CCR6: variants seen among roughly 807,000 people sequenced by gnomAD.
The protein encoded by CCR6 is C-C chemokine receptor type 6.
A neutral mutation model predicts 3.0 loss-of-function variants in CCR6; 2 were observed. The observed-to-expected ratio is 0.66, with a 90% confidence interval of 0.27 to 2.07. The LOEUF (loss-of-function observed/expected upper bound fraction) is 2.07, where lower values mean the gene tolerates loss of function less well. CCR6 is among the 30% of genes most tolerant of loss of function. The pLI, the probability that CCR6 is intolerant of heterozygous loss-of-function variation, is 0.14. For missense variants in CCR6, 322 were observed against 462.8 expected (o/e 0.70, Z 2.79); for synonymous variants, 193 against 184.3 (o/e 1.05, Z -0.38).
intron 1 of CCR6, among the ~76,000 whole-genome samples, chr6:167,132,741 A>G (rs1781790272): frequency 6.6e-6 from 1 of 152,164 alleles, no homozygotes; most frequent in Non-Finnish European, 1.5e-5. Flanking sequence ...GGGTTTCACC[A>G]TGTTGGCCAG....
chr6:167,116,646 C>G (rs1370212145), intron 1 of CCR6: 1 of 152,750 alleles, frequency 6.5e-6, no homozygotes, highest in Non-Finnish European at 1.5e-5. Context: ...CCGCTGCACC[C>G]CGCCCCTCAT....
chr6:167,124,966 A>G (rs965719748), intron 1 of CCR6, among the ~76,000 whole-genome samples: 2 of 152,100 alleles, frequency 1.3e-5, no homozygotes, highest in Non-Finnish European at 2.9e-5. Context: ...ACACACATAC[A>G]CATGTATACA....
intron 1 of CCR6, among the ~76,000 whole-genome samples, chr6:167,125,086 C>A (rs3093020): frequency 0.065 from 9,787 of 151,694 alleles, 899 homozygotes; most frequent in African/African-American, 0.2. Context: ...GCACACATGC[C>A]TAGACACATA....
chr6:167,135,971 T>C (rs1416464466), intron 1 of CCR6, 67 bp from the exon 2 acceptor site: 2 of 718,508 alleles, frequency 2.8e-6, no homozygotes, highest in Non-Finnish European at 4.8e-6. Flanking sequence ...TGCTGGTAAC[T>C]TAACTGTCTG....
At chr6:167,135,799 C>G (rs1264017956) in intron 1 of CCR6, among the ~76,000 whole-genome samples, 80 of 152,178 alleles carry the variant, frequency 5.3e-4, no homozygotes, top group Non-Finnish European at 1.0e-4. Flanking sequence ...CTTTCAAGCT[C>G]CAAAGGCAGA....
chr6:167,124,799 G>GTGCA (rs1554281774), intron 1 of CCR6, among the ~76,000 whole-genome samples: 1 of 150,414 alleles, frequency 6.6e-6, no homozygotes. Context: ...GCATATGCGC[G>GTGCA]CACACACACA....
intron 1 of CCR6, among the ~76,000 whole-genome samples, chr6:167,117,616 C>G (rs1781520894): frequency 6.6e-6 from 1 of 151,454 alleles, no homozygotes; most frequent in East Asian, 1.9e-4. Context: ...GGGGTTTCAC[C>G]GTGTCAGCCA....
At chr6:167,113,087 G>T (rs548410530) in intron 1 of CCR6, among the ~76,000 whole-genome samples, 1 of 151,806 alleles carries the variant, frequency 6.6e-6, no homozygotes, top group African/African-American at 2.4e-5. Flanking sequence ...AACCCTCTGA[G>T]GCCTGACTTA....
intron 1 of CCR6, among the ~76,000 whole-genome samples, chr6:167,123,647 T>A (rs146921347): frequency 5.9e-5 from 9 of 152,272 alleles, no homozygotes; most frequent in African/African-American, 9.6e-5. Flanking sequence ...TGAGTGGGCA[T>A]CCCGGACAGC....
Position 167,137,202 on chromosome 6 carries a change from A to C in CCR6, c.972A>C (p.Arg324Ser). The C allele has an allele frequency of 6.2e-7, 1 of 1,614,210 alleles. No homozygotes were observed. ...VLYAFIGQKF[R>S]NYFLKILKDL... ...ACGCTTTTATTGGGCAGAAGTTCAG[A>C]AACTACTTTCTGAAGATCTTGAAGG... Residue 324 changes from arginine to serine, a missense_variant, in exon 3 of 3, where the codon AGA (arginine) becomes AGC (serine). Coordinates refer to ENST00000341935, the MANE Select transcript of CCR6 (RefSeq NM_031409.4). The surrounding 1 kb of genome is among the most constrained non-coding windows in gnomAD (Gnocchi z 4.6).
intron 1 of CCR6, among the ~76,000 whole-genome samples, chr6:167,112,709 G>T (rs1263494074): frequency 6.6e-6 from 1 of 152,124 alleles, no homozygotes; most frequent in African/African-American, 2.4e-5. Flanking sequence ...CATCACAGGT[G>T]AGAAGGACAT....
At chr6:167,134,190 T>C (rs914058226) in intron 1 of CCR6, among the ~76,000 whole-genome samples, 4 of 152,050 alleles carry the variant, frequency 2.6e-5, no homozygotes, top group Non-Finnish European at 5.9e-5. Flanking sequence ...TTTCTAGTTG[T>C]TTAATGCAGC....
At chr6:167,123,865 A>C (rs529727690) in intron 1 of CCR6, among the ~76,000 whole-genome samples, 2 of 152,206 alleles carry the variant, frequency 1.3e-5, no homozygotes, top group Non-Finnish European at 2.9e-5. Context: ...TAATCTCAGC[A>C]CTTTGGGAGA....
chr6:167,116,320 G>A (rs1244673498), intron 1 of CCR6, among the ~76,000 whole-genome samples: 2 of 152,028 alleles, frequency 1.3e-5, no homozygotes, highest in Non-Finnish European at 2.9e-5. Context: ...GGGCCTCCCC[G>A]CCCTCGCTCC....
chr6:167,129,408 GCTT>G (rs1562559001), intron 1 of CCR6: 1 of 152,300 alleles, frequency 6.6e-6, no homozygotes, highest in East Asian at 1.9e-4. Context: ...TCCTGCACTT[GCTT>G]CATAATGCCC....
chr6:167,118,972 C>G (rs896303488), upstream of CCR6, among the ~76,000 whole-genome samples: 3 of 152,194 alleles, frequency 2.0e-5, no homozygotes. Context: ...GCTCTTCTCC[C>G]TACCGTAAAC....
chr6:167,130,589 G>A (rs1664309908), intron 1 of CCR6, among the ~76,000 whole-genome samples: 1 of 151,744 alleles, frequency 6.6e-6, no homozygotes, highest in Admixed American at 6.5e-5. Context: ...GCTTGGGGAA[G>A]GCCGAATCAT....
At chr6:167,116,021 C>T (rs2022001) in intron 1 of CCR6, 66,256 of 152,070 alleles carry the variant, frequency 0.44, 14,919 homozygotes, top group Admixed American at 0.52. Context: ...TTCAAAGATC[C>T]GCAGGCGTTA....
intron 1 of CCR6, chr6:167,117,000 G>A (rs1349177799): frequency 6.6e-6 from 1 of 152,334 alleles, no homozygotes; most frequent in Non-Finnish European, 1.5e-5. Context: ...GCGGTGGGTG[G>A]AGGGTGAGTC....
Sources: gnomAD v4.1 joint callset for allele counts (sites outside exome capture counted in the v4.1 genomes callset) on GRCh38, gnomAD v4.1.1 for gene constraint, Gnocchi (gnomAD v3.1) non-coding constraint, MANE v1.5 for transcripts, NCBI Gene and HGNC (gene_info 2026-07-23, HGNC 2026-07-21) for gene names.